The following P2RX3 variants were observed in gnomAD, a reference collection of about 807,000 sequenced individuals.
The protein encoded by P2RX3 is purinergic receptor P2X 3.
P2RX3 carries 41 observed loss-of-function variants against 51.5 expected under a neutral mutation model. The observed-to-expected ratio is 0.80, with a 90% CI of 0.62 to 1.03. P2RX3 has a LOEUF of 1.03. Ranked by LOEUF, P2RX3 falls within the 50% of genes least tolerant of loss-of-function variation. The pLI is 0.00. For synonymous variants in P2RX3, 185 were observed against 191.6 expected (o/e 0.97, Z 0.29); for missense variants, 459 against 522.1 (o/e 0.88, Z 1.18).
At chr11:57,349,961 C>G in intron 7 of P2RX3, 63 bp downstream of exon 7, 1 of 1,600,492 alleles carries the variant, frequency 6.2e-7, no homozygotes. Context: ...TCCCAGATTT[C>G]AGGGCCCTTT....
upstream of P2RX3, among the ~76,000 whole-genome samples, chr11:57,337,937 T>C (rs1303745665): frequency 6.6e-6 from 1 of 152,264 alleles, no homozygotes; most frequent in Non-Finnish European, 1.5e-5. Flanking sequence ...GACTCTTTAC[T>C]CATCACACCC....
Position 57,349,796 on chromosome 11 carries a change from G to T in P2RX3, c.603G>T (p.Lys201Asn), listed in dbSNP as rs1390539028. ...CCAACCTGACAGCCAGGGACATGAA[G>T]ACCTGCCGCTTCCACCCGGACAAGG... ...LLPNLTARDM[K>N]TCRFHPDKDP... The change falls in exon 7 of 12, where the codon AAG (lysine) becomes AAT (asparagine). Residue 201 changes from lysine (K) to asparagine (N), a missense_variant. Transcript: ENST00000263314. 81 of 1,614,080 alleles carry T rather than the reference G, an allele frequency of 5.0e-5. No individual in the cohort carries two copies. The highest frequency in any genetic ancestry group is 6.7e-5 in the Non-Finnish European group (79 of 1,180,054).
intron 10 of P2RX3, among the ~76,000 whole-genome samples, chr11:57,368,681 C>A (rs575983081): frequency 5.3e-5 from 8 of 152,346 alleles, no homozygotes; most frequent in Admixed American, 5.2e-4. Context: ...CAGGAGACTC[C>A]ACCTGTTATA....
intron 8 of P2RX3, among the ~76,000 whole-genome samples, chr11:57,361,388 C>T (rs539232307): frequency 6.6e-6 from 1 of 152,204 alleles, no homozygotes; most frequent in African/African-American, 2.4e-5. Context: ...ACAATAAACC[C>T]ATCACTTAGG....
chr11:57,347,220 T>G, intron 3 of P2RX3, 33 bp downstream of exon 3: 6 of 1,607,348 alleles, frequency 3.7e-6, no homozygotes, highest in Non-Finnish European at 4.3e-6. Context: ...GTGAAGCAGG[T>G]CAAGGCTGAA....
chr11:57,345,818 A>G (rs947663338), intron 1 of P2RX3, among the ~76,000 whole-genome samples: 1 of 152,040 alleles, frequency 6.6e-6, no homozygotes, highest in African/African-American at 2.4e-5. Flanking sequence ...GTAAATGACC[A>G]CTGGGTGGCA....
upstream of P2RX3, among the ~76,000 whole-genome samples, chr11:57,338,019 G>A (rs965217202): frequency 6.6e-6 from 1 of 152,242 alleles, no homozygotes; most frequent in Admixed American, 6.5e-5. Flanking sequence ...CTCAGGAAAG[G>A]AGGGGACGGC....
At chr11:57,340,249 G>C (rs552509678) in intron 1 of P2RX3, among the ~76,000 whole-genome samples, 2 of 152,176 alleles carry the variant, frequency 1.3e-5, no homozygotes, top group African/African-American at 4.8e-5. Context: ...AGAGATTGAT[G>C]GGGGAGAGAG....
intron 8 of P2RX3, among the ~76,000 whole-genome samples, chr11:57,359,815 A>G (rs1856687602): frequency 6.6e-6 from 1 of 152,184 alleles, no homozygotes; most frequent in Admixed American, 6.5e-5. Flanking sequence ...CCTATGGAGC[A>G]TGTCTGTGCC....
In P2RX3 at chr11:57,370,034, A is replaced by C; in HGVS notation, c.*37A>C. 1 of 1,458,012 alleles carries C rather than the reference A, an allele frequency of 6.9e-7. No homozygotes were observed. 90.3% of individuals were successfully genotyped at this position (1,458,012 alleles called of 1,614,324 possible). A position where few individuals can be genotyped will look rare whatever the true frequency, so the allele number is the denominator to read the frequency against. ...AGGGCCCCACACTCACAAAGGCTCC[A>C]GGCCTCCCCACAGAGGACCCTGCCT... is the stretch of plus-strand genomic sequence containing the variant. On this transcript the variant is annotated 3_prime_UTR_variant, in exon 12 of 12. Transcript: ENST00000263314.
chr11:57,357,885 G>A (rs1043508123), intron 8 of P2RX3, among the ~76,000 whole-genome samples: 1 of 152,184 alleles, frequency 6.6e-6, no homozygotes, highest in African/African-American at 2.4e-5. Flanking sequence ...ACCAGGCAAA[G>A]CTTTGCTGAG....
rs1208141178 is a variant in P2RX3, at chr11:57,371,547, G to C, written c.*1550G>C. Among the ~76,000 whole-genome samples, 3 of 152,150 alleles carry C rather than the reference G, an allele frequency of 2.0e-5. No individual in the cohort carries two copies. The highest frequency in any genetic ancestry group is 6.5e-5 in the Admixed American group (1 of 15,278). ...AGTAGTTCAGGAGGCTCAAATGGTGGGTACTTGCAAAGGCCTTGCCCAATG... is the reference window on the plus strand; with the variant it reads ...AGTAGTTCAGGAGGCTCAAATGGTGCGTACTTGCAAAGGCCTTGCCCAATG... On this transcript the variant is annotated 3_prime_UTR_variant, in exon 12 of 12. Transcript: ENST00000263314.
At chr11:57,349,570 A>G (rs1437635322) in intron 6 of P2RX3, among the ~76,000 whole-genome samples, 187 bp from the exon 7 acceptor site, 1 of 152,120 alleles carries the variant, frequency 6.6e-6, no homozygotes, top group African/African-American at 2.4e-5. Context: ...CCTGATACAC[A>G]GGGAAGGCGG....
chr11:57,350,749 C>A lies in P2RX3; in HGVS notation c.706-13C>A. The A allele has an allele frequency of 1.2e-6, 2 of 1,613,826 alleles. No individual in the cohort carries two copies. The highest frequency in any genetic ancestry group is 1.7e-6 in the Non-Finnish European group (2 of 1,179,902). ...GGGCGAGGGGAAAGCTCATACCCGG[C>A]CCGTTTCTTCAGGGGGGAGTTCTGG... On this transcript the variant is annotated splice_polypyrimidine_tract_variant and intron_variant, in intron 7 of 11. Transcript: ENST00000263314.
intron 8 of P2RX3, among the ~76,000 whole-genome samples, chr11:57,366,286 C>A (rs900988995): frequency 6.6e-6 from 1 of 152,162 alleles, no homozygotes; most frequent in African/African-American, 2.4e-5. Flanking sequence ...TCACTAACTG[C>A]GAAACCACAG....
At chr11:57,360,807 GA>G (rs371749135) in intron 8 of P2RX3, among the ~76,000 whole-genome samples, 1 of 141,822 alleles carries the variant, frequency 7.1e-6, no homozygotes, top group Non-Finnish European at 1.5e-5. Context: ...AAAAAAAAAA[GA>G]AAAAAAGAAA....
At chr11:57,365,332 C>A (rs550513359) in intron 8 of P2RX3, among the ~76,000 whole-genome samples, 2 of 152,226 alleles carry the variant, frequency 1.3e-5, no homozygotes, top group Admixed American at 6.5e-5. Flanking sequence ...AAGCTGCTAC[C>A]GCCTAGGCTG....
At chr11:57,366,582 G>A (rs1296896439) in intron 8 of P2RX3, among the ~76,000 whole-genome samples, 2 of 152,134 alleles carry the variant, frequency 1.3e-5, no homozygotes, top group Admixed American at 6.5e-5. Flanking sequence ...TTGAAAAACA[G>A]AGCAATCACA....
At position 57,369,406 on chromosome 11, in the gene P2RX3, G is replaced by T; in HGVS notation, c.1048G>T (p.Ala350Ser). Reference protein sequence around the residue: ...DIILLNFLKGADQYKAKKFEE... With the variant: ...DIILLNFLKGSDQYKAKKFEE... ...CATCCTGCTCAACTTCCTCAAGGGGGCCGACCAGTACAAAGCCAAGAAGTT... is the reference window on the plus strand; with the variant it reads ...CATCCTGCTCAACTTCCTCAAGGGGTCCGACCAGTACAAAGCCAAGAAGTT... Residue 350 changes from alanine to serine, a missense_variant, in exon 11 of 12, where the codon GCC becomes TCC. Ala to Ser is a moderately conservative substitution (Grantham distance 99). Coordinates refer to ENST00000263314, the MANE Select transcript of P2RX3 (RefSeq NM_002559.5). The T allele has an allele frequency of 6.2e-7, 1 of 1,609,992 alleles. No homozygotes were observed. Among genetic ancestry groups the T allele is most frequent in the Non-Finnish European group, 8.5e-7 (1 of 1,178,378 alleles).
Sources: allele counts gnomAD v4.1 joint callset (sites outside exome capture counted in the v4.1 genomes callset), GRCh38; gene constraint gnomAD v4.1.1; transcripts MANE v1.5; gene names NCBI Gene and HGNC (gene_info 2026-07-23, HGNC 2026-07-21).